Variants in NUP93 observed in about 807,000 individuals in gnomAD.
NUP93 encodes nuclear pore complex protein Nup93.
NUP93 carries 55 observed loss-of-function variants against 107.8 expected under a neutral mutation model. That is an observed-to-expected ratio of 0.51 (90% confidence interval 0.41 to 0.64). The LOEUF is 0.64. NUP93 is among the 30% of genes least tolerant of loss of function. NUP93 has a pLI of 0.00. For synonymous variants in NUP93, 390 were observed against 397.5 expected (o/e 0.98, Z 0.22); for missense variants, 937 against 1,044.7 (o/e 0.90, Z 1.42).
chr16:56,776,818 G>A (rs1194327887), intron 3 of NUP93, among the ~76,000 whole-genome samples: 2 of 152,228 alleles, frequency 1.3e-5, no homozygotes, highest in Non-Finnish European at 2.9e-5. Context: ...CCCAAAGCCA[G>A]GACCTGGGCC....
intron 1 of NUP93, among the ~76,000 whole-genome samples, chr16:56,732,883 C>T (rs1238652052): frequency 6.6e-6 from 1 of 152,130 alleles, no homozygotes; most frequent in African/African-American, 2.4e-5. Flanking sequence ...ATCTGTGGAC[C>T]TTACCCTATA....
chr16:56,839,716 G>C (rs751769355), intron 20 of NUP93, 112 bp downstream of exon 20: 2 of 871,080 alleles, frequency 2.3e-6, no homozygotes, highest in Admixed American at 4.1e-5. Context: ...TAACTATCCA[G>C]ACTGAGTTTT....
At chr16:56,837,747 A>G (rs751129518) in intron 18 of NUP93, 21 bp downstream of exon 18, 3 of 1,592,098 alleles carry the variant, frequency 1.9e-6, no homozygotes, top group East Asian at 2.2e-5. Context: ...AGCTGGCTCC[A>G]TGGGACCCTG....
chr16:56,751,374 CTGTT>C (rs541040802), intron 2 of NUP93, among the ~76,000 whole-genome samples: 4 of 152,188 alleles, frequency 2.6e-5, no homozygotes, highest in Non-Finnish European at 2.9e-5. Context: ...TAAGCTCTTA[CTGTT>C]TGTTAGGCGC....
intron 3 of NUP93, among the ~76,000 whole-genome samples, chr16:56,792,219 T>C (rs887912084): frequency 1.3e-5 from 2 of 152,192 alleles, no homozygotes; most frequent in Admixed American, 1.3e-4. Context: ...AAAAACTGGT[T>C]GATTTCATGA....
chr16:56,791,630 C>A (rs1396512921), intron 3 of NUP93, among the ~76,000 whole-genome samples: 1 of 152,222 alleles, frequency 6.6e-6, no homozygotes, highest in African/African-American at 2.4e-5. Context: ...AAGGCAGTTT[C>A]ATGCCTTTCT....
At chr16:56,786,348 A>G (rs562399189) in intron 3 of NUP93, among the ~76,000 whole-genome samples, 2 of 152,350 alleles carry the variant, frequency 1.3e-5, no homozygotes, top group East Asian at 3.9e-4. Context: ...AAGGTCATAC[A>G]TCTGGAAAGC....
intron 3 of NUP93, among the ~76,000 whole-genome samples, chr16:56,773,677 G>A (rs1395790804): frequency 1.3e-5 from 2 of 152,132 alleles, no homozygotes; most frequent in African/African-American, 2.4e-5. Flanking sequence ...GTGAGGGTGC[G>A]ACCCAGAGTC....
chr16:56,736,854 AATTATGTAAGATCAC>A (rs1961622617), intron 1 of NUP93, among the ~76,000 whole-genome samples: 1 of 152,224 alleles, frequency 6.6e-6, no homozygotes, highest in Non-Finnish European at 1.5e-5. Flanking sequence ...AGTTATTAAA[AATTATGTAAGATCAC>A]ATATACTCAT....
chr16:56,830,100 T>A (rs550170553), intron 9 of NUP93, among the ~76,000 whole-genome samples: 1 of 152,222 alleles, frequency 6.6e-6, no homozygotes, highest in Non-Finnish European at 1.5e-5. Context: ...TTTTATAAAC[T>A]TGAGTGCTAT....
intron 3 of NUP93, among the ~76,000 whole-genome samples, chr16:56,770,652 C>T (rs1962302707): frequency 6.6e-6 from 1 of 152,116 alleles, no homozygotes; most frequent in African/African-American, 2.4e-5. Flanking sequence ...GAGTGTTGAA[C>T]TTTTTAAACA....
At chr16:56,808,042 T>C (rs1247857849) in intron 5 of NUP93, among the ~76,000 whole-genome samples, 2 of 143,372 alleles carry the variant, frequency 1.4e-5, no homozygotes, top group Non-Finnish European at 3.0e-5. Context: ...TATAAATATA[T>C]ATATTTCTAA....
intron 3 of NUP93, 107 bp downstream of exon 3, chr16:56,758,762 TTTC>T (rs1271165890): frequency 2.6e-6 from 2 of 758,504 alleles, no homozygotes; most frequent in African/African-American, 3.5e-5. Flanking sequence ...CTTTGTTAAC[TTTC>T]TTCTTCCTCA....
chr16:56,771,913 G>GAGCA (rs1425626043), intron 3 of NUP93, among the ~76,000 whole-genome samples: 1 of 152,212 alleles, frequency 6.6e-6, no homozygotes, highest in African/African-American at 2.4e-5. Context: ...AGGGGTTTTA[G>GAGCA]AGCAGATTGA....
chr16:56,837,839 C>A (rs1433102378), intron 18 of NUP93, 113 bp downstream of exon 18: 1 of 724,702 alleles, frequency 1.4e-6, no homozygotes, highest in Non-Finnish European at 2.3e-6. Context: ...GACAGCTTTC[C>A]AAAGTGGTTC....
chr16:56,746,939 C>A (rs1466523720), intron 1 of NUP93, among the ~76,000 whole-genome samples: 1 of 151,890 alleles, frequency 6.6e-6, no homozygotes, highest in East Asian at 1.9e-4. Context: ...ATAACAAGAG[C>A]TATTGTACAA....
intron 3 of NUP93, among the ~76,000 whole-genome samples, chr16:56,794,003 C>T (rs568739161): frequency 6.6e-6 from 1 of 151,890 alleles, no homozygotes; most frequent in Non-Finnish European, 1.5e-5. Flanking sequence ...TGCAGTGAGC[C>T]GAGATCACGC....
intron 9 of NUP93, 150 bp from the exon 10 acceptor site, chr16:56,830,378 A>G: frequency 1.6e-6 from 1 of 644,698 alleles, no homozygotes; most frequent in Admixed American, 3.3e-5. Context: ...GTAAAACAGG[A>G]AAAGGCTGTT....
chr16:56,833,216 C>T lies in NUP93; in HGVS notation c.1347C>T (p.Gly449=), dbSNP rs763056754. 8.1e-6 allele frequency: 13 copies of T among 1,598,168 alleles called. No individual in the cohort carries two copies. Among genetic ancestry groups the T allele is most frequent in the East Asian group, 4.6e-5 (2 of 43,560 alleles). ...QFQKQLLEDY[G]ESHFTVNQQP... ...CTCCTCTCCTCTCCTCTCTCCCAGG[C>T]GAGTCCCACTTTACGGTGAACCAGC... is the stretch of plus-strand genomic sequence containing the variant. Residue 449 remains glycine, a splice_region_variant and synonymous_variant, in exon 13 of 22, where the codon GGC becomes GGT. Transcript: ENST00000308159.
Sources: gnomAD v4.1 joint callset for allele counts (sites outside exome capture counted in the v4.1 genomes callset) on GRCh38, gnomAD v4.1.1 for gene constraint, MANE v1.5 for transcripts, NCBI Gene and HGNC (gene_info 2026-07-23, HGNC 2026-07-21) for gene names.